Variants in ATXN2L observed in about 807,000 individuals in gnomAD.
The protein encoded by ATXN2L is ataxin 2 like.
ATXN2L carries 24 observed loss-of-function variants against 120.7 expected under a neutral mutation model. The observed-to-expected ratio is 0.20, with a 90% CI of 0.14 to 0.28. The LOEUF is 0.28. Ranked by LOEUF, ATXN2L falls within the 10% of genes least tolerant of loss-of-function variation. The pLI is 1.00. For synonymous variants in ATXN2L, 653 were observed against 568.1 expected (o/e 1.15, Z -2.13); for missense variants, 1,312 against 1,432.3 (o/e 0.92, Z 1.36).
intron 17 of ATXN2L, 26 bp from the exon 18 acceptor site, chr16:28,834,480 G>GCTCTC: frequency 6.2e-7 from 1 of 1,613,052 alleles, no homozygotes; most frequent in Non-Finnish European, 8.5e-7. Flanking sequence ...TGGAGCTTGA[G>GCTCTC]CTCTCCTCTC....
intron 2 of ATXN2L, 100 bp downstream of exon 2, chr16:28,825,502 C>G (rs2051554707): frequency 6.5e-7 from 1 of 1,539,670 alleles, no homozygotes; most frequent in Non-Finnish European, 9.0e-7. Context: ...CTAATGTACT[C>G]AGGAGGGCTG....
chr16:28,834,467 A>T, intron 17 of ATXN2L, 39 bp from the exon 18 acceptor site: 4 of 1,613,610 alleles, frequency 2.5e-6, no homozygotes, highest in Non-Finnish European at 2.5e-6. Context: ...GCCTACTGGC[A>T]GGTGGAGCTT....
At position 28,832,440 on chromosome 16, in the gene ATXN2L, T is replaced by A. The variant is rs974901175; in HGVS notation, c.1516+41T>A. The A allele has an allele frequency of 1.9e-6, 3 of 1,611,872 alleles. No homozygotes were observed. In the African/African-American group the frequency reaches 4.0e-5, roughly 22 times the overall value. Reference sequence around the variant, plus strand: ...TTGAGTGCTGTGAATGCATATTTAGTGTGATTTGTGGTTCTGGACAGAAGG... The same window carrying A: ...TTGAGTGCTGTGAATGCATATTTAGAGTGATTTGTGGTTCTGGACAGAAGG... On this transcript the variant is annotated intron_variant, in intron 11 of 21. Transcript: ENST00000336783.
Position 28,826,888 on chromosome 16 carries a change from A to G in ATXN2L, c.643A>G (p.Met215Val). The change falls in exon 6 of 22, where the codon ATG (methionine) becomes GTG (valine). Residue 215 changes from methionine (M) to valine (V), a missense_variant. Transcript: ENST00000336783. ...CAAGTTCACCGATTCAGCCATTGCC[A>G]TGAACTCGAAAGTGAATGGGGAACA... ...KDKFTDSAIA[M>V]NSKVNGEHKE... 6.3e-7 allele frequency: 1 copy of G among 1,595,730 alleles called. No homozygotes were observed. Among genetic ancestry groups the G allele is most frequent in the Non-Finnish European group, 8.6e-7 (1 of 1,168,218 alleles).
rs755864583 is a variant in ATXN2L, at chr16:28,834,313, A to G, written c.2173-30A>G. 5.0e-6 allele frequency: 8 copies of G among 1,612,328 alleles called. No homozygotes were observed. In the Admixed American group the frequency reaches 8.3e-5, roughly 17 times the overall value. ...CTGTCTGGGCATTCGTGAGCGAGTC[A>G]TTCAGCCTCATCTGTGTCCTCATCC... On this transcript the variant is annotated intron_variant, in intron 16 of 21. Coordinates refer to ENST00000336783, the MANE Select transcript of ATXN2L (RefSeq NM_007245.4).
Position 28,829,873 on chromosome 16 carries a change from G to C in ATXN2L, c.849G>C (p.Lys283Asn). The change falls in exon 8 of 22, where the codon AAG becomes AAC. Residue 283 changes from lysine to asparagine, a missense_variant. By Grantham distance (94) the Lys-to-Asn change is moderately conservative (BLOSUM62 0). Coordinates refer to ENST00000336783, the MANE Select transcript of ATXN2L (RefSeq NM_007245.4). ...GCTGTCTCAGGGTGCCCTTAGAAAAGGACAACTCAGAAGAGTTTCGTCAGC... is the reference window on the plus strand; with the variant it reads ...GCTGTCTCAGGGTGCCCTTAGAAAACGACAACTCAGAAGAGTTTCGTCAGC... Reference protein sequence around the residue: ...SLSSYTVPLEKDNSEEFRQRE... With the variant: ...SLSSYTVPLENDNSEEFRQRE... The C allele has an allele frequency of 6.2e-7, 1 of 1,614,230 alleles. No homozygotes were observed. The highest frequency in any genetic ancestry group is 8.5e-7 in the Non-Finnish European group (1 of 1,180,040).
chr16:28,825,720 A>T, intron 3 of ATXN2L, 40 bp downstream of exon 3: 1 of 1,613,096 alleles, frequency 6.2e-7, no homozygotes, highest in Non-Finnish European at 8.5e-7. Flanking sequence ...TAAGGAACGT[A>T]ATGCATCTAC....
At chr16:28,830,936 C>CAAAA (rs373844681) in intron 9 of ATXN2L, 26 bp from the exon 10 acceptor site, 163 of 1,270,162 alleles carry the variant, frequency 1.3e-4, no homozygotes, top group East Asian at 4.0e-4. Context: ...ATTTTCTTCT[C>CAAAA]AAAAAAAAAA....
chr16:28,829,353 T>C (rs756818514), intron 6 of ATXN2L, 48 bp from the exon 7 acceptor site: 2 of 1,297,746 alleles, frequency 1.5e-6, no homozygotes, highest in Admixed American at 3.4e-5. Flanking sequence ...AAGTGACTTG[T>C]CGTTGCTTTT....
chr16:28,824,019 G>A (rs1453639414), intron 1 of ATXN2L: 1 of 831,464 alleles, frequency 1.2e-6, no homozygotes, highest in African/African-American at 1.9e-5. Context: ...GGAGGGACTT[G>A]GGAGCGGGTT....
chr16:28,825,262 A>C lies in ATXN2L; in HGVS notation c.300-104A>C, dbSNP rs1303810970. ...ACTGATTAACAATTTTGTAGTCTAA[A>C]TCAGCATCATCAGGTGGTATATACT... On this transcript the variant is annotated intron_variant, in intron 1 of 21. Coordinates refer to ENST00000336783, the MANE Select transcript of ATXN2L (RefSeq NM_007245.4). The C allele has an allele frequency of 3.7e-6, 4 of 1,085,962 alleles. No homozygotes were observed. In the African/African-American group the frequency reaches 6.3e-5, roughly 17 times the overall value. The allele number at this position is 1,085,962 out of a possible 1,614,324, so 67.3% of individuals were successfully genotyped here.
Position 28,825,776 on chromosome 16 carries a change from A to C in ATXN2L, c.400A>C (p.Thr134Pro). 1 of 1,614,038 alleles carries C rather than the reference A, an allele frequency of 6.2e-7. No individual in the cohort carries two copies. The highest frequency in any genetic ancestry group is 8.5e-7 in the Non-Finnish European group (1 of 1,179,952). Reference protein sequence around the residue: ...LHFLTAVVGSTCDVKVKNGTT... With the variant: ...LHFLTAVVGSPCDVKVKNGTT... ...ATTTTTCCCACTCTGCCAGGGCTCCACTTGTGATGTAAAGGTGAAAAATGG... is the reference window on the plus strand; with the variant it reads ...ATTTTTCCCACTCTGCCAGGGCTCCCCTTGTGATGTAAAGGTGAAAAATGG... The change falls in exon 4 of 22, where the codon ACT becomes CCT. Residue 134 changes from threonine (T) to proline (P), a missense_variant. Thr to Pro is a conservative substitution (Grantham distance 38). Transcript: ENST00000336783.
intron 6 of ATXN2L, among the ~76,000 whole-genome samples, chr16:28,828,558 G>A (rs189851838): frequency 4.3e-4 from 64 of 150,218 alleles, no homozygotes; most frequent in African/African-American, 1.3e-3. Flanking sequence ...TTGCACTCCA[G>A]CCTGGGCAAC....
At chr16:28,834,993 G>A in intron 18 of ATXN2L, 65 bp from the exon 19 acceptor site, 1 of 1,570,940 alleles carries the variant, frequency 6.4e-7, no homozygotes, top group Non-Finnish European at 8.6e-7. Flanking sequence ...TGCACGCAGT[G>A]ACTGGCAGGA....
rs1202365544 is a variant in ATXN2L at position 28,834,545 on chromosome 16, C to T, written c.2285C>T (p.Ala762Val). ...PPQRSDQHQPASAPPMMQAAA... is the reference protein window; with the variant it reads ...PPQRSDQHQPVSAPPMMQAAA... ...CAGCGCTCGGACCAACACCAGCCAG[C>T]CTCAGCCCCGCCGATGATGCAGGCC... Residue 762 changes from alanine to valine, a missense_variant, in exon 18 of 22, where the codon GCC becomes GTC. Transcript: ENST00000336783. 3.1e-6 allele frequency: 5 copies of T among 1,611,038 alleles called. No individual in the cohort carries two copies. The highest frequency in any genetic ancestry group is 4.2e-6 in the Non-Finnish European group (5 of 1,179,632).
rs1347850055 is a variant in ATXN2L, at chr16:28,832,884, T to TAAGGTGAGAGAA, written c.1657_1659+9dup. 1 of 1,614,108 alleles carries TAAGGTGAGAGAA rather than the reference T, an allele frequency of 6.2e-7. No individual in the cohort carries two copies. Among genetic ancestry groups the TAAGGTGAGAGAA allele is most frequent in the Non-Finnish European group, 8.5e-7 (1 of 1,179,992 alleles). The stretch of plus-strand genomic sequence containing the variant: ...AACTGAGAAAGTTTGGGGCCCAGTT[T>TAAGGTGAGAGAA]AAGGTGAGAGAAGAGTGAGCTGGGA... On this transcript the variant is annotated inframe_insertion, in exon 13 of 22. Coordinates refer to ENST00000336783, the MANE Select transcript of ATXN2L (RefSeq NM_007245.4).
At chr16:28,826,169 A>G in intron 4 of ATXN2L, 71 bp from the exon 5 acceptor site, 2 of 1,568,376 alleles carry the variant, frequency 1.3e-6, no homozygotes, top group Non-Finnish European at 1.7e-6. Flanking sequence ...ATTTAAGAGA[A>G]ATCCAGTTCT....
intron 10 of ATXN2L, 76 bp from the exon 11 acceptor site, chr16:28,832,129 C>G: frequency 6.7e-7 from 1 of 1,492,792 alleles, no homozygotes; most frequent in East Asian, 2.3e-5. Flanking sequence ...AACTTTCTTG[C>G]TGTTTTGAGT....
chr16:28,827,532 G>A (rs1473059055), intron 6 of ATXN2L, among the ~76,000 whole-genome samples: 1 of 152,072 alleles, frequency 6.6e-6, no homozygotes, highest in Non-Finnish European at 1.5e-5. Flanking sequence ...ATAGATTAAT[G>A]TGTAGGCCCA....
Sources: allele counts gnomAD v4.1 joint callset (sites outside exome capture counted in the v4.1 genomes callset), GRCh38; gene constraint gnomAD v4.1.1; transcripts MANE v1.5; gene names NCBI Gene and HGNC (gene_info 2026-07-23, HGNC 2026-07-21).